Variants in ZNRF1 observed in about 807,000 individuals in gnomAD.
ZNRF1 encodes zinc and ring finger 1.
A neutral mutation model predicts 18.4 loss-of-function variants in ZNRF1; 3 were observed. That is an observed-to-expected ratio of 0.16 (90% CI 0.07 to 0.42). The LOEUF (loss-of-function observed/expected upper bound fraction) is 0.42, where lower values mean the gene tolerates loss of function less well. ZNRF1 is among the 10% of genes least tolerant of loss of function. The pLI, the probability that ZNRF1 is intolerant of heterozygous loss-of-function variation, is 0.99. For missense variants in ZNRF1, 310 were observed against 329.8 expected (o/e 0.94, Z 0.47); for synonymous variants, 157 against 144.2 (o/e 1.09, Z -0.64).
intron 1 of ZNRF1, among the ~76,000 whole-genome samples, chr16:75,003,809 G>A (rs958203483): frequency 6.6e-6 from 1 of 152,270 alleles, no homozygotes; most frequent in Admixed American, 6.5e-5. Flanking sequence ...TCTGTAAAAT[G>A]TAGAAGACGC....
chr16:75,087,361 C>T (rs991711936), intron 1 of ZNRF1, among the ~76,000 whole-genome samples: 5 of 152,210 alleles, frequency 3.3e-5, no homozygotes, highest in African/African-American at 1.2e-4. Context: ...GCAGACTTGC[C>T]TTCTCTCAAG....
chr16:75,037,335 T>G (rs556181966), intron 1 of ZNRF1, among the ~76,000 whole-genome samples: 1 of 146,088 alleles, frequency 6.8e-6, no homozygotes, highest in African/African-American at 2.8e-5. Context: ...CTTCACTCTT[T>G]TGTTTTTTTG....
intron 1 of ZNRF1, among the ~76,000 whole-genome samples, chr16:75,027,254 TA>T (rs1262744228): frequency 2.0e-5 from 3 of 151,792 alleles, no homozygotes; most frequent in Non-Finnish European, 1.5e-5. Context: ...CTGGGCAACA[TA>T]GCAAGACCCT....
chr16:75,003,965 T>C (rs2034886064), intron 1 of ZNRF1, among the ~76,000 whole-genome samples: 1 of 151,990 alleles, frequency 6.6e-6, no homozygotes, highest in Admixed American at 6.6e-5. Flanking sequence ...TCAGATTTTT[T>C]TTTTTTTTCT....
intron 2 of ZNRF1, among the ~76,000 whole-genome samples, chr16:75,098,202 G>C (rs780147601): frequency 6.6e-6 from 1 of 152,270 alleles, no homozygotes; most frequent in Non-Finnish European, 1.5e-5. Context: ...CTGACTGCCA[G>C]ACTGGCCGCT....
rs377128680 is a variant in ZNRF1, at chr16:75,064,121, A to G, written c.425-29451A>G. 1.2e-4 allele frequency among the ~76,000 whole-genome samples: 19 copies of G among 152,086 alleles called. 2 individuals are homozygous for G. Among genetic ancestry groups the G allele is most frequent in the South Asian group, 1.2e-3 (6 of 4,804 alleles). ...TGAGACCAGCCTGGGGAACATGGTGAAACCCCATCTCTACCAAAAATACAA... is the reference window on the plus strand; with the variant it reads ...TGAGACCAGCCTGGGGAACATGGTGGAACCCCATCTCTACCAAAAATACAA... On this transcript the variant is annotated intron_variant, in intron 1 of 4. Coordinates refer to ENST00000335325, the MANE Select transcript of ZNRF1 (RefSeq NM_032268.5).
intron 1 of ZNRF1, among the ~76,000 whole-genome samples, chr16:75,067,598 C>G (rs1021944775): frequency 6.6e-6 from 1 of 152,004 alleles, no homozygotes; most frequent in Non-Finnish European, 1.5e-5. Context: ...ATGATGTCTG[C>G]GCAAAAACAG....
chr16:75,078,522 C>G (rs2035971575), intron 1 of ZNRF1, among the ~76,000 whole-genome samples: 1 of 152,120 alleles, frequency 6.6e-6, no homozygotes, highest in African/African-American at 2.4e-5. Flanking sequence ...TGGTCTCGAA[C>G]TCCCAACCTC....
intron 1 of ZNRF1, among the ~76,000 whole-genome samples, chr16:75,063,970 G>A (rs2035772098): frequency 6.6e-6 from 1 of 152,188 alleles, no homozygotes; most frequent in African/African-American, 2.4e-5. Flanking sequence ...TAAAATACGG[G>A]GCTCCATTCT....
chr16:75,062,366 G>A (rs766742219), intron 1 of ZNRF1, among the ~76,000 whole-genome samples: 14 of 152,230 alleles, frequency 9.2e-5, no homozygotes, highest in Non-Finnish European at 2.1e-4. Flanking sequence ...AGTTTCCATC[G>A]ACAGTGGCTC....
chr16:75,033,660 C>G (rs1386852657), intron 1 of ZNRF1, among the ~76,000 whole-genome samples: 1 of 152,072 alleles, frequency 6.6e-6, no homozygotes, highest in Non-Finnish European at 1.5e-5. Flanking sequence ...TCATCTTGAA[C>G]TCCTGACCTC....
intron 1 of ZNRF1, among the ~76,000 whole-genome samples, chr16:75,019,619 T>C (rs1435171845): frequency 6.6e-6 from 1 of 152,158 alleles, no homozygotes; most frequent in Non-Finnish European, 1.5e-5. Flanking sequence ...AATAAAAATG[T>C]TGGGTGAAGT....
chr16:75,016,836 C>T (rs999433680), intron 1 of ZNRF1, among the ~76,000 whole-genome samples: 3 of 47,038 alleles, frequency 6.4e-5, no homozygotes, highest in Non-Finnish European at 1.1e-4. Flanking sequence ...TGAGCCACCG[C>T]GGCCGGCCTA....
intron 2 of ZNRF1, chr16:75,095,742 A>C: frequency 6.5e-7 from 1 of 1,527,420 alleles, no homozygotes; most frequent in East Asian, 2.5e-5. Context: ...CCTGTGGAGA[A>C]CCGGGAAGGT....
intron 1 of ZNRF1, among the ~76,000 whole-genome samples, chr16:75,011,923 G>T (rs906110822): frequency 1.3e-5 from 2 of 152,102 alleles, no homozygotes; most frequent in Non-Finnish European, 2.9e-5. Flanking sequence ...GTTCTGTTTT[G>T]CTGTGGCTTT....
intron 1 of ZNRF1, among the ~76,000 whole-genome samples, chr16:75,007,091 C>T (rs907657956): frequency 1.4e-4 from 21 of 147,988 alleles, no homozygotes; most frequent in African/African-American, 2.2e-4. Context: ...GACAGGGTCT[C>T]GCTTTGTTCA....
chr16:75,002,418 A>G (rs2034863766), intron 1 of ZNRF1: 1 of 152,192 alleles, frequency 6.6e-6, no homozygotes, highest in South Asian at 2.1e-4. Flanking sequence ...TTGGAAGGGT[A>G]ACGATTTTGG....
At chr16:75,004,953 G>A (rs2034900089) in intron 1 of ZNRF1, among the ~76,000 whole-genome samples, 1 of 152,134 alleles carries the variant, frequency 6.6e-6, no homozygotes, top group Non-Finnish European at 1.5e-5. Flanking sequence ...CATGCTAGGA[G>A]GTATCTCTTG....
chr16:75,088,200 C>T (rs1443241981), intron 1 of ZNRF1, among the ~76,000 whole-genome samples: 1 of 152,110 alleles, frequency 6.6e-6, no homozygotes, highest in African/African-American at 2.4e-5. Flanking sequence ...CTGTAGTGGA[C>T]GCTTATGGGA....
Sources: allele counts gnomAD v4.1 joint callset (sites outside exome capture counted in the v4.1 genomes callset), GRCh38; gene constraint gnomAD v4.1.1; transcripts MANE v1.5; gene names NCBI Gene and HGNC (gene_info 2026-07-23, HGNC 2026-07-21).